The following IL31RA variants were observed in gnomAD, a reference collection of about 807,000 sequenced individuals.
The protein encoded by IL31RA is interleukin-31 receptor subunit alpha.
IL31RA carries 66 observed loss-of-function variants against 83.7 expected under a neutral mutation model. That is an observed-to-expected ratio of 0.79 (90% confidence interval 0.65 to 0.97). The LOEUF (loss-of-function observed/expected upper bound fraction) is 0.97, where lower values mean the gene tolerates loss of function less well. IL31RA is among the 50% of genes least tolerant of loss of function. The pLI is 0.00. For missense variants in IL31RA, 798 were observed against 919.4 expected (o/e 0.87, Z 1.71); for synonymous variants, 325 against 329.0 (o/e 0.99, Z 0.13).
chr5:55,849,852 G>C (rs1745012134), upstream of IL31RA, among the ~76,000 whole-genome samples: 1 of 152,130 alleles, frequency 6.6e-6, no homozygotes, highest in African/African-American at 2.4e-5. Context: ...TTTGGCTTAT[G>C]CTCTTGTTTT....
rs771795968 is a variant in IL31RA at position 55,914,921 on chromosome 5, A to C, written c.1811A>C (p.Asp604Ala). 6 of 1,610,420 alleles carry C rather than the reference A, an allele frequency of 3.7e-6. No individual in the cohort carries two copies. In the Admixed American group the frequency reaches 1.0e-4, roughly 27 times the overall value. ...ESSIATWHGD[D>A]FKDKLNLKES... ...AGTATAGCCACATGGCATGGAGATG[A>C]TTTCAAGGTAAACTCTCCTGTTTTT... The change falls in exon 14 of 15, where the codon GAT (aspartate) becomes GCT (alanine). Residue 604 changes from aspartate to alanine, a missense_variant. Asp to Ala is a moderately radical substitution (Grantham distance 126). Transcript: ENST00000652347.
intron 2 of IL31RA, among the ~76,000 whole-genome samples, chr5:55,860,987 C>T (rs887603047): frequency 3.9e-5 from 6 of 152,160 alleles, no homozygotes; most frequent in African/African-American, 1.2e-4. Flanking sequence ...GGTGTCTCTC[C>T]TCCTCCTAAG....
intron 6 of IL31RA, among the ~76,000 whole-genome samples, chr5:55,894,934 C>T (rs1437401622): frequency 1.3e-5 from 2 of 152,124 alleles, no homozygotes; most frequent in Non-Finnish European, 2.9e-5. Context: ...CCAGGCTGGT[C>T]TCGAACTCCT....
At position 55,916,928 on chromosome 5, in the gene IL31RA, A is replaced by G. The variant is rs1325378322; in HGVS notation, c.2103A>G (p.Gln701=). Residue 701 remains glutamine, a synonymous_variant, in exon 15 of 15, where the codon CAA becomes CAG. Coordinates refer to ENST00000652347, the MANE Select transcript of IL31RA (RefSeq NM_139017.7). ...VSPEIPPRKS[Q]YLRSRMPEGT... ...CTGAGATTCCGCCCAGAAAATCCCA[A>G]TACCTACGTTCGAGGATGCCAGAGG... is the stretch of plus-strand genomic sequence containing the variant. 1 of 1,614,026 alleles carries G rather than the reference A, an allele frequency of 6.2e-7. No individual in the cohort carries two copies. Among genetic ancestry groups the G allele is most frequent in the East Asian group, 2.2e-5 (1 of 44,880 alleles).
chr5:55,872,493 T>C, intron 4 of IL31RA, 42 bp downstream of exon 4: 1 of 1,315,926 alleles, frequency 7.6e-7, no homozygotes, highest in Non-Finnish European at 1.1e-6. Context: ...TTATTAAATG[T>C]TTACCTCCTT....
At chr5:55,905,165 C>T (rs1276095780) in intron 8 of IL31RA, among the ~76,000 whole-genome samples, 3 of 148,520 alleles carry the variant, frequency 2.0e-5, no homozygotes, top group Non-Finnish European at 3.0e-5. Flanking sequence ...CATGCCACTG[C>T]ACTCCAGCCT....
Position 55,922,573 on chromosome 5 carries a change from A to G in IL31RA, c.*5453A>G, listed in dbSNP as rs1750143423. 3.0e-6 allele frequency: 2 copies of G among 661,706 alleles called. No homozygotes were observed. Among genetic ancestry groups the G allele is most frequent in the South Asian group, 4.0e-5 (2 of 50,256 alleles). 41.0% of individuals were successfully genotyped at this position (661,706 alleles called of 1,614,324 possible). Reference sequence around the variant, plus strand: ...ACTGGGTATGTGGTCTTTTCCACACATGGACCACCTACGGATGCAATCTGT... The same window carrying G: ...ACTGGGTATGTGGTCTTTTCCACACGTGGACCACCTACGGATGCAATCTGT... On this transcript the variant is annotated 3_prime_UTR_variant, in exon 15 of 15. Coordinates refer to ENST00000652347, the MANE Select transcript of IL31RA (RefSeq NM_139017.7).
At chr5:55,864,544 A>G (rs1168561315) in intron 2 of IL31RA, among the ~76,000 whole-genome samples, 1 of 149,996 alleles carries the variant, frequency 6.7e-6, no homozygotes, top group African/African-American at 2.5e-5. Flanking sequence ...CATCACACAC[A>G]CTACACACAC....
chr5:55,903,296 G>A lies in IL31RA; in HGVS notation c.1070-2810G>A, dbSNP rs1260171068. Reference sequence around the variant, plus strand: ...GGCAAAGGAGAAGCAGCACCAGCACGTGAGCCCCGGGTGACTGTCTTCATG... The same window carrying A: ...GGCAAAGGAGAAGCAGCACCAGCACATGAGCCCCGGGTGACTGTCTTCATG... On this transcript the variant is annotated intron_variant, in intron 8 of 14. Transcript: ENST00000652347. The surrounding 1 kb of genome is among the most constrained non-coding windows in gnomAD (Gnocchi z 4.7). 3.3e-5 allele frequency among the ~76,000 whole-genome samples: 5 copies of A among 152,338 alleles called. No individual in the cohort carries two copies. Among genetic ancestry groups the A allele is most frequent in the East Asian group, 1.9e-4 (1 of 5,184 alleles).
intron 1 of IL31RA, among the ~76,000 whole-genome samples, chr5:55,855,918 A>G (rs1020157429): frequency 5.9e-5 from 9 of 152,120 alleles, no homozygotes; most frequent in Admixed American, 5.2e-4. Flanking sequence ...TTGTTTTAAG[A>G]TGGAGCCTTG....
rs1036481819 is a variant in IL31RA, at chr5:55,917,699, T to G, written c.*579T>G. Among the ~76,000 whole-genome samples the G allele has an allele frequency of 2.3e-4, 35 of 152,106 alleles. No individual in the cohort carries two copies. The highest frequency in any genetic ancestry group is 8.5e-4 in the African/African-American group (35 of 41,400). On this transcript the variant is annotated 3_prime_UTR_variant, in exon 15 of 15. Transcript: ENST00000652347. Reference sequence around the variant, plus strand: ...CTGAGGCTCCTCACATCCTCTTAGATCTCAAGTGCCTGTAGCAACACCGCA... The same window carrying G: ...CTGAGGCTCCTCACATCCTCTTAGAGCTCAAGTGCCTGTAGCAACACCGCA...
At chr5:55,913,616 AAG>A in intron 13 of IL31RA, 46 bp downstream of exon 13, 1 of 1,215,446 alleles carries the variant, frequency 8.2e-7, no homozygotes, top group Non-Finnish European at 1.2e-6. Context: ...CAGGGACAAA[AAG>A]GGGTTGAAGT....
intron 1 of IL31RA, among the ~76,000 whole-genome samples, 173 bp downstream of exon 1, chr5:55,851,806 A>G (rs886111235): frequency 5.3e-5 from 8 of 152,304 alleles, no homozygotes; most frequent in African/African-American, 1.9e-4. Flanking sequence ...CTTATTAGGC[A>G]TTTCTAGGTT....
Position 55,921,447 on chromosome 5 carries a change from A to G in IL31RA, c.*4327A>G, listed in dbSNP as rs560858633. 1.2e-4 allele frequency among the ~76,000 whole-genome samples: 19 copies of G among 152,350 alleles called. No homozygotes were observed. The South Asian group carries it at 2.1e-3, about 17-fold the overall frequency. On this transcript the variant is annotated 3_prime_UTR_variant, in exon 15 of 15. Transcript: ENST00000652347. Reference sequence around the variant, plus strand: ...GGATTCGTTTAAAGGTCCTCCTAGTATAGAGTGCAATGCGATAAACATTTA... The same window carrying G: ...GGATTCGTTTAAAGGTCCTCCTAGTGTAGAGTGCAATGCGATAAACATTTA...
chr5:55,879,273 G>A (rs1482954783), intron 4 of IL31RA, among the ~76,000 whole-genome samples: 1 of 152,002 alleles, frequency 6.6e-6, no homozygotes, highest in Non-Finnish European at 1.5e-5. Flanking sequence ...GATGTTTCAG[G>A]GAGAGGGTGG....
At chr5:55,910,405 T>C (rs964991389) in intron 11 of IL31RA, 127 bp from the exon 12 acceptor site, 1 of 961,112 alleles carries the variant, frequency 1.0e-6, no homozygotes, top group Non-Finnish European at 1.7e-6. Flanking sequence ...AGGACATGAA[T>C]AGGGGTCAGA....
At chr5:55,887,571 C>G (rs986118681) in intron 5 of IL31RA, among the ~76,000 whole-genome samples, 8 of 151,914 alleles carry the variant, frequency 5.3e-5, no homozygotes, top group Admixed American at 3.3e-4. Context: ...GAAACCCTGT[C>G]TCTACGAAAA....
At chr5:55,888,136 A>G (rs781450199) in intron 5 of IL31RA, among the ~76,000 whole-genome samples, 5 of 152,262 alleles carry the variant, frequency 3.3e-5, no homozygotes, top group Middle Eastern at 6.8e-3. Flanking sequence ...ACTTTGGGTG[A>G]GTTAGGATTT....
chr5:55,873,860 T>G lies in IL31RA; in HGVS notation c.454+1409T>G, dbSNP rs572400259. ...TGTTTGTGGGTTTTCTTTTACTTTT[T>G]AAATGGTTAAGGTAGAAAAATATTT... On this transcript the variant is annotated intron_variant, in intron 4 of 14. Transcript: ENST00000652347. Among the ~76,000 whole-genome samples the G allele has an allele frequency of 9.9e-5, 15 of 152,234 alleles. No homozygotes were observed. In the South Asian group the frequency reaches 3.1e-3, roughly 32 times the overall value.
Sources: allele counts gnomAD v4.1 joint callset (sites outside exome capture counted in the v4.1 genomes callset), GRCh38; gene constraint gnomAD v4.1.1; non-coding constraint Gnocchi (gnomAD v3.1); transcripts MANE v1.5; gene names NCBI Gene and HGNC (gene_info 2026-07-23, HGNC 2026-07-21).